USP24: variants seen among roughly 807,000 people sequenced by gnomAD.
The protein encoded by USP24 is ubiquitin specific peptidase 24.
Under a neutral mutation model 361.6 loss-of-function variants are expected in USP24, and 97 were observed. The observed-to-expected ratio is 0.27, with a 90% CI of 0.23 to 0.32. USP24 has a LOEUF of 0.32. Among genes scored for constraint, USP24 ranks in the 10% least tolerant of loss-of-function variants. The pLI, the probability that USP24 is intolerant of heterozygous loss-of-function variation, is 1.00. For synonymous variants in USP24, 1,098 were observed against 1,124.6 expected, an observed-to-expected ratio of 0.98 and a Z score of 0.47; for missense variants, 2,353 against 3,165.6, an observed-to-expected ratio of 0.74 and a Z score of 6.16.
chr1:55,125,722 T>C lies in USP24; in HGVS notation c.3672A>G (p.Pro1224=), dbSNP rs766456528. The change falls in exon 33 of 68, where the codon CCA becomes CCG. Residue 1224 remains proline, a synonymous_variant. Transcript: ENST00000294383. The part of the protein sequence containing the change: ...VVNVMQRDSI[P]SEVDYETRQG... The stretch of plus-strand genomic sequence containing the variant: ...GCCTTGTTTCATAGTCTACTTCTGA[T>C]GGGATGGAGTCTCTCTGCATGACAT... The C allele has an allele frequency of 5.0e-6, 8 of 1,594,728 alleles. No individual in the cohort carries two copies. In the Admixed American group the frequency reaches 8.7e-5, roughly 17 times the overall value.
intron 1 of USP24, among the ~76,000 whole-genome samples, chr1:55,183,033 A>G (rs1318060980): frequency 6.6e-6 from 1 of 152,134 alleles, no homozygotes; most frequent in Non-Finnish European, 1.5e-5. Context: ...AACAGTCTAA[A>G]AATGGTCTAG....
intron 38 of USP24, among the ~76,000 whole-genome samples, chr1:55,111,132 A>AT (rs530232554): frequency 1.5e-3 from 232 of 151,196 alleles, no homozygotes; most frequent in Admixed American, 4.3e-3. Flanking sequence ...TTACCATACT[A>AT]TTTTTTTTTC....
intron 55 of USP24, among the ~76,000 whole-genome samples, chr1:55,088,629 G>C (rs1645303932): frequency 6.6e-6 from 1 of 152,160 alleles, no homozygotes; most frequent in Non-Finnish European, 1.5e-5. Flanking sequence ...TACTTTCTCA[G>C]TGAAGTCGAG....
chr1:55,149,551 T>C (rs1350836251), intron 16 of USP24, among the ~76,000 whole-genome samples: 2 of 152,212 alleles, frequency 1.3e-5, no homozygotes, highest in Non-Finnish European at 2.9e-5. Flanking sequence ...ACTTTTTTCC[T>C]TGCCTCATAG....
Position 55,147,613 on chromosome 1 carries a change from T to C in USP24, c.2118+36A>G, listed in dbSNP as rs572607384. On this transcript the variant is annotated intron_variant, in intron 18 of 67. Transcript: ENST00000294383. ...TAAGTATAAAAAGGTCAAATTAATG[T>C]TGTAAATCATGAAGCAAAAACACAA... 25 of 1,550,672 alleles carry C rather than the reference T, an allele frequency of 1.6e-5. No homozygotes were observed. The East Asian group carries it at 5.8e-4, about 36-fold the overall frequency.
At chr1:55,193,736 G>A (rs1443793056) in intron 1 of USP24, among the ~76,000 whole-genome samples, 2 of 152,182 alleles carry the variant, frequency 1.3e-5, no homozygotes, top group Admixed American at 1.3e-4. Flanking sequence ...CTATGGAAAA[G>A]TGTACATATA....
At position 55,078,691 on chromosome 1, in the gene USP24, A is replaced by T. The variant is rs761578654; in HGVS notation, c.7201-40T>A. 119 of 1,485,006 alleles carry T rather than the reference A, an allele frequency of 8.0e-5. No homozygotes were observed. In the Admixed American group the frequency reaches 2.3e-3, roughly 29 times the overall value. 92.0% of individuals were successfully genotyped at this position (1,485,006 alleles called of 1,614,324 possible). On this transcript the variant is annotated intron_variant, in intron 60 of 67. Transcript: ENST00000294383. The stretch of plus-strand genomic sequence containing the variant: ...TAACACAGTCAGCTATTCTCATGTC[A>T]CAGTTAACACTCCATCTGTTGTTGC...
At position 55,097,082 on chromosome 1, in the gene USP24, C is replaced by T. The variant is rs1557552884; in HGVS notation, c.5806G>A (p.Val1936Met). 1.2e-6 allele frequency: 2 copies of T among 1,613,976 alleles called. No individual in the cohort carries two copies. The highest frequency in any genetic ancestry group is 1.7e-5 in the Admixed American group (1 of 60,022). Residue 1936 changes from valine (V) to methionine (M), a missense_variant, in exon 49 of 68, where the codon GTG (valine) becomes ATG (methionine). Transcript: ENST00000294383. The stretch of plus-strand genomic sequence containing the variant: ...GGGGATCCTCCACCGCCCTGATCCA[C>T]ACTTCGCCCATTTTCCCCAACTTCA... ...SSEVGENGRS[V>M]DQGGGGSPRK...
intron 4 of USP24, among the ~76,000 whole-genome samples, chr1:55,172,104 A>G (rs990373203): frequency 6.6e-6 from 1 of 152,210 alleles, no homozygotes; most frequent in Non-Finnish European, 1.5e-5. Context: ...ACTCCATATG[A>G]AAGTATTTAA....
chr1:55,191,124 T>C (rs1009136426), intron 1 of USP24, among the ~76,000 whole-genome samples: 16 of 152,202 alleles, frequency 1.1e-4, no homozygotes, highest in Non-Finnish European at 1.9e-4. Context: ...TGAATGTCAC[T>C]TTTAACCTGA....
At chr1:55,096,812 C>T in intron 49 of USP24, 140 bp downstream of exon 49, 2 of 1,332,258 alleles carry the variant, frequency 1.5e-6, no homozygotes, top group Non-Finnish European at 2.0e-6. Context: ...AAACCAGTTG[C>T]ACGAAGCTTT....
intron 40 of USP24, 27 bp downstream of exon 40, chr1:55,107,212 C>A: frequency 6.3e-7 from 1 of 1,593,200 alleles, no homozygotes; most frequent in Middle Eastern, 1.7e-4. Context: ...AAGAATCTGC[C>A]ATGTGATAAG....
At chr1:55,161,902 A>G (rs1648322732) in intron 8 of USP24, among the ~76,000 whole-genome samples, 1 of 152,210 alleles carries the variant, frequency 6.6e-6, no homozygotes, top group African/African-American at 2.4e-5. Context: ...AATCCTGTGA[A>G]GCAAATAAGG....
intron 38 of USP24, among the ~76,000 whole-genome samples, chr1:55,116,688 A>G (rs1646126061): frequency 6.6e-6 from 1 of 151,974 alleles, no homozygotes; most frequent in Non-Finnish European, 1.5e-5. Context: ...ATCCAAAAAA[A>G]AAAAAAGAAA....
chr1:55,172,769 T>C (rs932797175), intron 3 of USP24, among the ~76,000 whole-genome samples: 1 of 152,196 alleles, frequency 6.6e-6, no homozygotes. Flanking sequence ...AAAAATTTTA[T>C]TTGGTCCTCT....
intron 1 of USP24, among the ~76,000 whole-genome samples, chr1:55,192,251 G>A (rs142509436): frequency 9.4e-4 from 143 of 152,252 alleles, no homozygotes; most frequent in East Asian, 1.5e-3. Context: ...AGCCTTCTTT[G>A]TTGAAAGAAG....
At chr1:55,079,799 C>T in intron 59 of USP24, 140 bp from the exon 60 acceptor site, 1 of 1,153,874 alleles carries the variant, frequency 8.7e-7, no homozygotes, top group Non-Finnish European at 1.2e-6. Context: ...ACACTGAGTA[C>T]TCACACACTG....
Position 55,067,594 on chromosome 1 carries a change from C to T in USP24, c.*1451G>A, listed in dbSNP as rs554313702. ...CAGTAATGAGATGCCATCTGCCTGGCCACATGCCCACACAATGCCACAGCA... is the reference window on the plus strand; with the variant it reads ...CAGTAATGAGATGCCATCTGCCTGGTCACATGCCCACACAATGCCACAGCA... On this transcript the variant is annotated 3_prime_UTR_variant, in exon 68 of 68. Transcript: ENST00000294383. 1 of 152,350 alleles carries T rather than the reference C, an allele frequency of 6.6e-6. No individual in the cohort carries two copies. Among genetic ancestry groups the T allele is most frequent in the African/African-American group, 2.4e-5 (1 of 41,576 alleles). The allele number at this position is 152,350 out of a possible 1,614,324, so 9.4% of individuals were successfully genotyped here.
At chr1:55,151,404 G>A (rs565620638) in intron 16 of USP24, among the ~76,000 whole-genome samples, 1 of 152,284 alleles carries the variant, frequency 6.6e-6, no homozygotes, top group East Asian at 1.9e-4. Flanking sequence ...TCTGTTACGT[G>A]TTTTGGTAAG....
Sources: allele counts gnomAD v4.1 joint callset (sites outside exome capture counted in the v4.1 genomes callset), GRCh38; gene constraint gnomAD v4.1.1; transcripts MANE v1.5; gene names NCBI Gene and HGNC (gene_info 2026-07-23, HGNC 2026-07-21).